UBTD1: variants seen among roughly 807,000 people sequenced by gnomAD.
UBTD1 encodes the protein ubiquitin domain containing 1, also known as ubiquitin domain-containing protein 1.
A neutral mutation model predicts 21.7 loss-of-function variants in UBTD1; 19 were observed. That is an observed-to-expected ratio of 0.87 (90% CI 0.61 to 1.28). The LOEUF is 1.28. Ranked by LOEUF, UBTD1 falls within the 50% of genes most tolerant of loss-of-function variation. UBTD1 has a pLI of 0.00. For synonymous variants in UBTD1, 116 were observed against 135.1 expected (o/e 0.86, Z 0.98); for missense variants, 282 against 315.1 (o/e 0.89, Z 0.80).
chr10:97,535,531 C>T (rs1295055321), intron 1 of UBTD1, among the ~76,000 whole-genome samples: 1 of 152,162 alleles, frequency 6.6e-6, no homozygotes, highest in Non-Finnish European at 1.5e-5. Context: ...AGGAGAATCG[C>T]TTGAACCCAG....
At chr10:97,532,277 A>C (rs1443208413) in intron 1 of UBTD1, among the ~76,000 whole-genome samples, 1 of 152,190 alleles carries the variant, frequency 6.6e-6, no homozygotes, top group African/African-American at 2.4e-5. Context: ...GTTTCATGCC[A>C]TCTTCCTCCC....
chr10:97,525,169 A>G (rs974996724), intron 1 of UBTD1, among the ~76,000 whole-genome samples: 7 of 152,208 alleles, frequency 4.6e-5, no homozygotes. Flanking sequence ...TGCTGCACCA[A>G]CTTAGGGGAC....
Position 97,570,862 on chromosome 10 carries a change from G to A in UBTD1, c.*339G>A. 3.8e-6 allele frequency: 1 copy of A among 265,906 alleles called. No individual in the cohort carries two copies. The highest frequency in any genetic ancestry group is 7.3e-6 in the Non-Finnish European group (1 of 136,856). The allele number at this position is 265,906 out of a possible 1,614,324, so 16.5% of individuals were successfully genotyped here. ...GGTGCTGCCAGCTGTGCTCACTCTG[G>A]TTTTCTGCTCAGGGTCTGAAGCAGC... On this transcript the variant is annotated 3_prime_UTR_variant, in exon 3 of 3. Coordinates refer to ENST00000370664, the MANE Select transcript of UBTD1 (RefSeq NM_024954.5). This position sits in a 1 kb window ranked among gnomAD's most constrained non-coding sequence, Gnocchi z 6.6.
At chr10:97,533,035 C>T (rs112183492) in intron 1 of UBTD1, among the ~76,000 whole-genome samples, 14 of 152,336 alleles carry the variant, frequency 9.2e-5, no homozygotes, top group African/African-American at 3.4e-4. Context: ...AGCTCTGTTC[C>T]TGGCCTTGTG....
At chr10:97,531,015 G>A (rs2040527758) in intron 1 of UBTD1, among the ~76,000 whole-genome samples, 1 of 151,814 alleles carries the variant, frequency 6.6e-6, no homozygotes, top group African/African-American at 2.4e-5. Context: ...AGCCTCCGGA[G>A]TAGCTGGGAC....
At chr10:97,544,862 T>C (rs1279870899) in intron 1 of UBTD1, among the ~76,000 whole-genome samples, 1 of 151,594 alleles carries the variant, frequency 6.6e-6, no homozygotes, top group Non-Finnish European at 1.5e-5. Flanking sequence ...GAAGAGAAAA[T>C]ATATTTACTA....
chr10:97,550,100 G>A (rs1184767137), intron 1 of UBTD1, among the ~76,000 whole-genome samples: 3 of 152,206 alleles, frequency 2.0e-5, no homozygotes, highest in Non-Finnish European at 4.4e-5. Flanking sequence ...CCGGCCAGCT[G>A]TTGGGACAAG....
chr10:97,520,483 C>G (rs190470673), intron 1 of UBTD1, among the ~76,000 whole-genome samples: 193 of 152,278 alleles, frequency 1.3e-3, no homozygotes, highest in Middle Eastern at 6.8e-3. Flanking sequence ...AACAGGGAAA[C>G]ACATGATACT....
intron 1 of UBTD1, among the ~76,000 whole-genome samples, chr10:97,567,659 CAAAAACA>C (rs903468093): frequency 1.8e-4 from 28 of 151,922 alleles, no homozygotes; most frequent in East Asian, 7.8e-4. Flanking sequence ...AACTCCATCT[CAAAAACA>C]AAAAACAAAA....
chr10:97,502,236 C>G (rs770057234), intron 1 of UBTD1, among the ~76,000 whole-genome samples: 1 of 151,782 alleles, frequency 6.6e-6, no homozygotes, highest in Non-Finnish European at 1.5e-5. Context: ...TCTGTGGGTC[C>G]TACTATGAAT....
intron 1 of UBTD1, among the ~76,000 whole-genome samples, chr10:97,528,084 C>A (rs1286404148): frequency 7.4e-6 from 1 of 134,394 alleles, no homozygotes; most frequent in African/African-American, 2.7e-5. Context: ...GGGCTGACTC[C>A]CCCACCTCCC....
chr10:97,569,916 AAG>A (rs1002038843), intron 2 of UBTD1, among the ~76,000 whole-genome samples: 2 of 151,956 alleles, frequency 1.3e-5, no homozygotes, highest in African/African-American at 4.8e-5. Context: ...CTTGTCTCAA[AAG>A]AAAAAAAAAA....
Position 97,541,728 on chromosome 10 carries a change from ATTTTTTTT to A in UBTD1, c.71-26170_71-26163del, listed in dbSNP as rs975827062. Among the ~76,000 whole-genome samples, 17 of 98,886 alleles carry A rather than the reference ATTTTTTTT, an allele frequency of 1.7e-4. 1 individual carries two copies. In the South Asian group the frequency reaches 5.3e-3, roughly 31 times the overall value. 64.9% of individuals were successfully genotyped at this position (98,886 alleles called of 152,430 possible). On this transcript the variant is annotated intron_variant, in intron 1 of 2. Transcript: ENST00000370664. ...GGGAGTTAGACCTAGGTCCTCTCTG[ATTTTTTTT>A]TTTTTTTTTTTTTTTGAGATGCAAT...
At chr10:97,532,426 T>G (rs2040536209) in intron 1 of UBTD1, among the ~76,000 whole-genome samples, 1 of 150,260 alleles carries the variant, frequency 6.7e-6, no homozygotes, top group Non-Finnish European at 1.5e-5. Flanking sequence ...CAGGCGGATC[T>G]CCCGAGGTCA....
At chr10:97,558,508 G>A (rs2040675780) in intron 1 of UBTD1, among the ~76,000 whole-genome samples, 2 of 152,184 alleles carry the variant, frequency 1.3e-5, no homozygotes, top group African/African-American at 4.8e-5. Context: ...TGTTTTGAGA[G>A]ATAGACCACT....
At chr10:97,551,371 A>T (rs1352527231) in intron 1 of UBTD1, among the ~76,000 whole-genome samples, 1 of 75,748 alleles carries the variant, frequency 1.3e-5, no homozygotes, top group South Asian at 6.6e-4. Context: ...CCTCTCTATT[A>T]AAAAAAAAAA....
At chr10:97,522,280 G>T (rs1053676848) in intron 1 of UBTD1, among the ~76,000 whole-genome samples, 5 of 152,246 alleles carry the variant, frequency 3.3e-5, no homozygotes, top group Non-Finnish European at 7.3e-5. Flanking sequence ...GCTTTTGAAC[G>T]CACTGAATGC....
At chr10:97,534,579 G>GCGCGCA (rs930248767) in intron 1 of UBTD1, among the ~76,000 whole-genome samples, 12 of 145,360 alleles carry the variant, frequency 8.3e-5, no homozygotes, top group African/African-American at 2.9e-4. Context: ...ACGCGCGCGC[G>GCGCGCA]CACACACACA....
At chr10:97,506,967 A>G (rs560534540) in intron 1 of UBTD1, among the ~76,000 whole-genome samples, 7 of 152,352 alleles carry the variant, frequency 4.6e-5, no homozygotes, top group African/African-American at 1.7e-4. Context: ...TGCTGTGAAC[A>G]TGGGTGTGCA....
Sources: allele counts gnomAD v4.1 joint callset (sites outside exome capture counted in the v4.1 genomes callset), GRCh38; gene constraint gnomAD v4.1.1; non-coding constraint Gnocchi (gnomAD v3.1); transcripts MANE v1.5; gene names NCBI Gene and HGNC (gene_info 2026-07-23, HGNC 2026-07-21).